Variants in GRIA4 observed in about 807,000 individuals in gnomAD.
GRIA4 encodes glutamate receptor 4.
GRIA4 carries 34 observed loss-of-function variants against 104.0 expected under a neutral mutation model. The observed-to-expected ratio is 0.33, with a 90% CI of 0.25 to 0.44. The LOEUF is 0.44. Ranked by LOEUF, GRIA4 falls within the 20% of genes least tolerant of loss-of-function variation. GRIA4 has a pLI of 1.00. For missense variants in GRIA4, 750 were observed against 1,096.5 expected, an observed-to-expected ratio of 0.68 and a Z score of 4.46; for synonymous variants, 386 against 381.9, an observed-to-expected ratio of 1.01 and a Z score of -0.13.
Position 105,971,926 on chromosome 11 carries a change from C to A in GRIA4, c.2307C>A (p.Asn769Lys). The change falls in exon 15 of 17, where the codon AAC (asparagine) becomes AAA (lysine). Residue 769 changes from asparagine (N) to lysine (K), a missense_variant. Coordinates refer to ENST00000282499, the MANE Select transcript of GRIA4 (RefSeq NM_000829.4). Reference sequence around the variant, plus strand: ...TTTCCACGTGAAGAACTCCTGTAAACCTTGCCGTTTTGAAACTCAGTGAGG... The same window carrying A: ...TTTCCACGTGAAGAACTCCTGTAAAACTTGCCGTTTTGAAACTCAGTGAGG... Reference protein sequence around the residue: ...PKGSSLRTPVNLAVLKLSEAG... With the variant: ...PKGSSLRTPVKLAVLKLSEAG... 6.2e-7 allele frequency: 1 copy of A among 1,604,612 alleles called. No individual in the cohort carries two copies. The highest frequency in any genetic ancestry group is 2.2e-5 in the East Asian group (1 of 44,758).
intron 5 of GRIA4, among the ~76,000 whole-genome samples, chr11:105,870,436 C>T (rs1453939697): frequency 6.6e-6 from 1 of 151,680 alleles, no homozygotes; most frequent in Non-Finnish European, 1.5e-5. Flanking sequence ...TACTAATTTC[C>T]AAGCACTGCA....
At chr11:105,723,140 C>A (rs1289127201) in intron 3 of GRIA4, among the ~76,000 whole-genome samples, 1 of 137,538 alleles carries the variant, frequency 7.3e-6, no homozygotes. Context: ...TAATTACATA[C>A]AAACATCTCA....
intron 14 of GRIA4, among the ~76,000 whole-genome samples, chr11:105,943,882 A>C (rs613014): frequency 0.77 from 115,845 of 151,340 alleles, 44,391 homozygotes; most frequent in East Asian, 0.91. Context: ...CTCTCTCTCT[A>C]TATATATATA....
At chr11:105,825,162 A>T (rs1346583269) in intron 4 of GRIA4, among the ~76,000 whole-genome samples, 2 of 152,028 alleles carry the variant, frequency 1.3e-5, no homozygotes, top group East Asian at 3.9e-4. Context: ...AAATTATAAC[A>T]AGATTTATCA....
At chr11:105,826,140 A>G (rs572141541) in intron 4 of GRIA4, among the ~76,000 whole-genome samples, 210 of 152,096 alleles carry the variant, frequency 1.4e-3, no homozygotes, top group African/African-American at 4.9e-3. Flanking sequence ...CCTGCCCCTA[A>G]ACATCTTTTT....
chr11:105,906,340 T>G (rs1057245960), intron 9 of GRIA4, among the ~76,000 whole-genome samples: 2 of 152,084 alleles, frequency 1.3e-5, no homozygotes, highest in Non-Finnish European at 2.9e-5. Flanking sequence ...CTGATCTACA[T>G]AGGAAGAGAT....
intron 5 of GRIA4, among the ~76,000 whole-genome samples, chr11:105,863,820 A>G (rs1018970511): frequency 4.6e-5 from 7 of 152,180 alleles, no homozygotes; most frequent in African/African-American, 1.7e-4. Context: ...GGAGGAGGCA[A>G]TTGAGTGCCT....
At chr11:105,969,469 G>C (rs1235580296) in intron 14 of GRIA4, among the ~76,000 whole-genome samples, 1 of 152,128 alleles carries the variant, frequency 6.6e-6, no homozygotes, top group Non-Finnish European at 1.5e-5. Flanking sequence ...TTACAGGTGT[G>C]AAATAGCAGA....
chr11:105,964,640 C>A (rs1434475637), intron 14 of GRIA4, among the ~76,000 whole-genome samples: 1 of 152,110 alleles, frequency 6.6e-6, no homozygotes, highest in African/African-American at 2.4e-5. Context: ...CAAATTCCCT[C>A]AGCATATGAG....
rs866963298 is a variant in GRIA4, at chr11:105,649,697, T to C, written c.247+37263T>C. Among the ~76,000 whole-genome samples, 3 of 152,150 alleles carry C rather than the reference T, an allele frequency of 2.0e-5. No individual in the cohort carries two copies. The South Asian group carries it at 6.2e-4, about 32-fold the overall frequency. ...TGTGGACATTATTGTACAATACTAC[T>C]GCGAGTTTTAATTGGCTTCATCTTT... is the stretch of plus-strand genomic sequence containing the variant. On this transcript the variant is annotated intron_variant, in intron 3 of 16. Coordinates refer to ENST00000282499, the MANE Select transcript of GRIA4 (RefSeq NM_000829.4).
intron 3 of GRIA4, among the ~76,000 whole-genome samples, chr11:105,704,647 A>G (rs1953627333): frequency 6.6e-6 from 1 of 152,182 alleles, no homozygotes; most frequent in African/African-American, 2.4e-5. Flanking sequence ...CCTAAGAAAG[A>G]TGTGAAAATA....
rs147869917 is a variant in GRIA4, at chr11:105,852,874, G to T, written c.488-9150G>T. Among the ~76,000 whole-genome samples, 8 of 133,456 alleles carry T rather than the reference G, an allele frequency of 6.0e-5. 1 individual carries two copies. In the Admixed American group the frequency reaches 7.0e-4, roughly 12 times the overall value. 87.6% of individuals were successfully genotyped at this position (133,456 alleles called of 152,430 possible). A position where few individuals can be genotyped will look rare whatever the true frequency, so the allele number is the denominator to read the frequency against. ...GCTACTCCTGCTCTAAAGAAAAGAC[G>T]AAAGTAACAGTTTAAAATATCACTT... On this transcript the variant is annotated intron_variant, in intron 4 of 16. Transcript: ENST00000282499.
intron 14 of GRIA4, among the ~76,000 whole-genome samples, chr11:105,963,882 G>GT (rs1242486797): frequency 6.6e-6 from 1 of 152,046 alleles, no homozygotes; most frequent in Non-Finnish European, 1.5e-5. Flanking sequence ...AATAAGTTTA[G>GT]TTTTATCAGA....
chr11:105,786,396 A>G (rs1281394717), intron 4 of GRIA4, among the ~76,000 whole-genome samples: 1 of 152,148 alleles, frequency 6.6e-6, no homozygotes, highest in Non-Finnish European at 1.5e-5. Flanking sequence ...ATCTCAGTGT[A>G]CTATTGATTT....
chr11:105,864,727 G>C (rs1308153092), intron 5 of GRIA4, among the ~76,000 whole-genome samples: 1 of 152,052 alleles, frequency 6.6e-6, no homozygotes, highest in Non-Finnish European at 1.5e-5. Flanking sequence ...AAAATTAGCC[G>C]GGTGTGGTGG....
intron 3 of GRIA4, among the ~76,000 whole-genome samples, chr11:105,618,547 G>A (rs554125814): frequency 6.6e-6 from 1 of 151,952 alleles, no homozygotes; most frequent in Non-Finnish European, 1.5e-5. Context: ...TTCTGGCTTG[G>A]GCAAATGTTT....
chr11:105,700,148 C>T (rs2135519336), intron 3 of GRIA4, among the ~76,000 whole-genome samples: 1 of 152,314 alleles, frequency 6.6e-6, no homozygotes, highest in Admixed American at 6.5e-5. Flanking sequence ...TAGGTGCCAC[C>T]TTAAGCATCC....
At chr11:105,898,772 T>C (rs924835663) in intron 7 of GRIA4, among the ~76,000 whole-genome samples, 11 of 152,144 alleles carry the variant, frequency 7.2e-5, no homozygotes, top group African/African-American at 2.7e-4. Context: ...CATGAAGTGA[T>C]TTAAAATGAG....
intron 15 of GRIA4, 82 bp downstream of exon 15, chr11:105,972,110 TAA>T (rs1185807318): frequency 2.5e-6 from 2 of 811,412 alleles, no homozygotes; most frequent in Non-Finnish European, 4.2e-6. Flanking sequence ...ATGGAAACCA[TAA>T]AAACTGAACA....
Sources: gnomAD v4.1 joint callset for allele counts (sites outside exome capture counted in the v4.1 genomes callset) on GRCh38, gnomAD v4.1.1 for gene constraint, MANE v1.5 for transcripts, NCBI Gene and HGNC (gene_info 2026-07-23, HGNC 2026-07-21) for gene names.